Variants in DNAJC15 observed in about 807,000 individuals in gnomAD.
DNAJC15 encodes the protein DnaJ heat shock protein family (Hsp40) member C15.
Under a neutral mutation model 22.4 loss-of-function variants are expected in DNAJC15, and 27 were observed. That is an observed-to-expected ratio of 1.20 (90% CI 0.89 to 1.66). The LOEUF (loss-of-function observed/expected upper bound fraction) is 1.66, where lower values mean the gene tolerates loss of function less well. DNAJC15 is among the 40% of genes most tolerant of loss of function. The pLI is 0.00. For synonymous variants in DNAJC15, 79 were observed against 63.2 expected (o/e 1.25, Z -1.19); for missense variants, 208 against 187.1 (o/e 1.11, Z -0.65).
intron 3 of DNAJC15, among the ~76,000 whole-genome samples, chr13:43,073,759 A>G (rs930933294): frequency 6.6e-6 from 1 of 152,038 alleles, no homozygotes; most frequent in Non-Finnish European, 1.5e-5. Flanking sequence ...AGGGTGTTTT[A>G]AAATTTACAG....
chr13:43,024,407 G>A (rs369267201), intron 1 of DNAJC15, among the ~76,000 whole-genome samples: 29 of 144,622 alleles, frequency 2.0e-4, no homozygotes, highest in Non-Finnish European at 3.4e-4. Context: ...GCAGTGGCGC[G>A]ATCTCGGCTC....
At chr13:43,032,546 A>G (rs2040408480) in intron 1 of DNAJC15, among the ~76,000 whole-genome samples, 1 of 152,164 alleles carries the variant, frequency 6.6e-6, no homozygotes, top group Non-Finnish European at 1.5e-5. Context: ...TACTGTTGCC[A>G]AGTGTGGTGG....
intron 4 of DNAJC15, among the ~76,000 whole-genome samples, chr13:43,081,044 T>G (rs796420492): frequency 3.3e-5 from 5 of 152,348 alleles, no homozygotes; most frequent in African/African-American, 1.2e-4. Context: ...ATACTGTATG[T>G]GTTCTAGATG....
At chr13:43,074,187 T>C (rs1329325665) in intron 3 of DNAJC15, among the ~76,000 whole-genome samples, 1 of 152,200 alleles carries the variant, frequency 6.6e-6, no homozygotes. Flanking sequence ...GATCCAGTTC[T>C]TCTCTAGTTG....
intron 1 of DNAJC15, among the ~76,000 whole-genome samples, chr13:43,032,238 A>G (rs1245969305): frequency 1.3e-5 from 2 of 152,190 alleles, no homozygotes; most frequent in East Asian, 1.9e-4. Flanking sequence ...CAGCTGACAC[A>G]AGAGCCTGTA....
intron 1 of DNAJC15, among the ~76,000 whole-genome samples, chr13:43,060,467 G>A (rs1054439775): frequency 3.3e-5 from 5 of 152,196 alleles, no homozygotes; most frequent in Admixed American, 2.0e-4. Context: ...CAATCAGAGA[G>A]TGTCCAAGGG....
In DNAJC15 at chr13:43,107,524, T is replaced by TACACACACACACACACACAC. The variant is rs57085120; in HGVS notation, c.*289_*308dup. The stretch of plus-strand genomic sequence containing the variant: ...TTTTGTTATGTTCTGAATTCCCCCC[T>TACACACACACACACACACAC]ACACACACACACACACACACACACA... On this transcript the variant is annotated 3_prime_UTR_variant, in exon 6 of 6. Coordinates refer to ENST00000379221, the MANE Select transcript of DNAJC15 (RefSeq NM_013238.3). The TACACACACACACACACACAC allele has an allele frequency of 5.0e-5, 8 of 161,054 alleles. No individual in the cohort carries two copies. The highest frequency in any genetic ancestry group is 6.7e-5 in the Non-Finnish European group (5 of 74,916). 10.0% of individuals were successfully genotyped at this position (161,054 alleles called of 1,614,324 possible).
chr13:43,098,505 G>A lies in DNAJC15; in HGVS notation c.383-8673G>A, dbSNP rs1253614705. ...TGATTCTCTAATGATCTGATAAACC[G>A]AATCAGACTCAAATATTTTTCTTCA... On this transcript the variant is annotated intron_variant, in intron 5 of 5. Coordinates refer to ENST00000379221, the MANE Select transcript of DNAJC15 (RefSeq NM_013238.3). 3.9e-5 allele frequency among the ~76,000 whole-genome samples: 6 copies of A among 152,068 alleles called. No homozygotes were observed. The South Asian group carries it at 6.2e-4, about 16-fold the overall frequency.
chr13:43,063,017 C>G (rs968985988), intron 1 of DNAJC15, among the ~76,000 whole-genome samples: 2 of 148,500 alleles, frequency 1.3e-5, no homozygotes. Flanking sequence ...CCACACCCAG[C>G]CTTTATTTTT....
chr13:43,083,171 T>A (rs2040671371), intron 4 of DNAJC15, among the ~76,000 whole-genome samples: 1 of 152,002 alleles, frequency 6.6e-6, no homozygotes, highest in African/African-American at 2.4e-5. Context: ...TAATTTCTTT[T>A]TTTTGTTTTT....
At chr13:43,039,264 A>T (rs1347917341) in intron 1 of DNAJC15, among the ~76,000 whole-genome samples, 2 of 152,134 alleles carry the variant, frequency 1.3e-5, no homozygotes, top group Non-Finnish European at 2.9e-5. Flanking sequence ...ATTTTTTTCA[A>T]CTCTATGATT....
chr13:43,083,640 G>GA (rs1173579430), intron 4 of DNAJC15, among the ~76,000 whole-genome samples: 14 of 152,220 alleles, frequency 9.2e-5, no homozygotes, highest in Non-Finnish European at 1.9e-4. Flanking sequence ...GATAAATGTA[G>GA]ATTAGCCACA....
At chr13:43,033,887 G>T (rs2806711) in intron 1 of DNAJC15, among the ~76,000 whole-genome samples, 17 of 152,098 alleles carry the variant, frequency 1.1e-4, no homozygotes, top group African/African-American at 3.6e-4. Context: ...AATTAGCCGG[G>T]CATGGTAGCA....
chr13:43,058,404 G>A (rs1428416128), intron 1 of DNAJC15, among the ~76,000 whole-genome samples: 1 of 152,176 alleles, frequency 6.6e-6, no homozygotes, highest in Non-Finnish European at 1.5e-5. Flanking sequence ...AGGCGGCAGT[G>A]TGTAGAGAAG....
At chr13:43,058,194 T>G (rs187612761) in intron 1 of DNAJC15, among the ~76,000 whole-genome samples, 3 of 152,320 alleles carry the variant, frequency 2.0e-5, no homozygotes, top group East Asian at 3.9e-4. Context: ...GTTGCTATAA[T>G]GGCTTGAGTT....
At chr13:43,034,802 G>GT (rs1555273869) in intron 1 of DNAJC15, among the ~76,000 whole-genome samples, 2 of 152,024 alleles carry the variant, frequency 1.3e-5, no homozygotes, top group Non-Finnish European at 2.9e-5. Context: ...ACGTTGTGGG[G>GT]GTTTTTTTGA....
chr13:43,081,899 A>G (rs1057432282), intron 4 of DNAJC15, among the ~76,000 whole-genome samples: 18 of 152,172 alleles, frequency 1.2e-4, no homozygotes, highest in African/African-American at 4.1e-4. Flanking sequence ...GGAGGCCTCA[A>G]TAATGGCAGA....
At chr13:43,049,824 T>G (rs1383530688) in intron 1 of DNAJC15, among the ~76,000 whole-genome samples, 2 of 152,246 alleles carry the variant, frequency 1.3e-5, no homozygotes, top group Admixed American at 1.3e-4. Flanking sequence ...CAATGGCTTT[T>G]TAGCAAATAA....
chr13:43,034,469 C>A (rs1367884224), intron 1 of DNAJC15, among the ~76,000 whole-genome samples: 1 of 151,764 alleles, frequency 6.6e-6, no homozygotes, highest in Admixed American at 6.6e-5. Flanking sequence ...GTGCCCACCA[C>A]CGCGCCCGGC....
Sources: allele counts gnomAD v4.1 joint callset (sites outside exome capture counted in the v4.1 genomes callset), GRCh38; gene constraint gnomAD v4.1.1; transcripts MANE v1.5; gene names NCBI Gene and HGNC (gene_info 2026-07-23, HGNC 2026-07-21).